Variants in AGAP1 observed in about 807,000 individuals in gnomAD.
AGAP1 encodes the protein ArfGAP with GTPase domain, ankyrin repeat and PH domain 1.
A neutral mutation model predicts 105.3 loss-of-function variants in AGAP1; 29 were observed. The observed-to-expected ratio is 0.28, with a 90% confidence interval of 0.21 to 0.38. AGAP1 has a LOEUF of 0.38. Ranked by LOEUF, AGAP1 falls within the 10% of genes least tolerant of loss-of-function variation. The pLI is 1.00. For synonymous variants in AGAP1, 509 were observed against 485.9 expected, an observed-to-expected ratio of 1.05 and a Z score of -0.63; for missense variants, 998 against 1,165.1, an observed-to-expected ratio of 0.86 and a Z score of 2.09.
At chr2:235,679,117 G>A (rs12472001) in intron 1 of AGAP1, among the ~76,000 whole-genome samples, 30,318 of 152,172 alleles carry the variant, frequency 0.2, 3,401 homozygotes, top group Admixed American at 0.34. Flanking sequence ...CATGGAGAAA[G>A]CACAGTGTCT....
intron 6 of AGAP1, among the ~76,000 whole-genome samples, chr2:235,795,388 C>G (rs1328792615): frequency 2.6e-5 from 4 of 152,166 alleles, no homozygotes; most frequent in African/African-American, 9.7e-5. Flanking sequence ...ACTCTGTAGT[C>G]AGTTTGCATT....
chr2:235,870,733 G>A (rs950661767), intron 9 of AGAP1, among the ~76,000 whole-genome samples: 3 of 152,266 alleles, frequency 2.0e-5, no homozygotes, highest in Admixed American at 6.5e-5. Context: ...CCTGCTCTGG[G>A]CATAAGAACT....
chr2:235,585,004 C>T (rs1373503284), intron 1 of AGAP1, among the ~76,000 whole-genome samples: 2 of 151,080 alleles, frequency 1.3e-5, no homozygotes, highest in Non-Finnish European at 2.9e-5. Flanking sequence ...TGCTGCTGCC[C>T]CCGGCTTCTT....
At chr2:235,684,246 A>T (rs915453972) in intron 1 of AGAP1, among the ~76,000 whole-genome samples, 1 of 151,974 alleles carries the variant, frequency 6.6e-6, no homozygotes, top group Non-Finnish European at 1.5e-5. Context: ...GGGTTTCACC[A>T]TGTTAGCCAG....
At position 235,865,062 on chromosome 2, in the gene AGAP1, TTC is replaced by T. The variant is rs1381691802; in HGVS notation, c.1051-18281_1051-18280del. On this transcript the variant is annotated intron_variant, in intron 9 of 17. Coordinates refer to ENST00000304032, the MANE Select transcript of AGAP1 (RefSeq NM_001037131.3). This position sits in a 1 kb window ranked among gnomAD's most constrained non-coding sequence, Gnocchi z 6.2. ...TCAGTGGACGCTGTATTAAATTGGA[TTC>T]TGTGTCCATCATTATTAAAATGTGA... is the stretch of plus-strand genomic sequence containing the variant. Among the ~76,000 whole-genome samples the T allele has an allele frequency of 1.3e-5, 2 of 152,218 alleles. No homozygotes were observed. The highest frequency in any genetic ancestry group is 4.8e-5 in the African/African-American group (2 of 41,452).
intron 1 of AGAP1, among the ~76,000 whole-genome samples, chr2:235,546,183 G>T (rs945375335): frequency 1.3e-5 from 2 of 152,222 alleles, no homozygotes; most frequent in African/African-American, 4.8e-5. Flanking sequence ...CTAGAATTCA[G>T]TTGATTTCTT....
chr2:235,573,153 A>G (rs1944629873), intron 1 of AGAP1, among the ~76,000 whole-genome samples: 1 of 128,646 alleles, frequency 7.8e-6, no homozygotes, highest in Admixed American at 7.9e-5. Context: ...CCCAGGCTGC[A>G]TTGCAGTGGC....
intron 1 of AGAP1, among the ~76,000 whole-genome samples, chr2:235,676,921 A>G (rs555334700): frequency 2.6e-5 from 4 of 152,334 alleles, no homozygotes; most frequent in Non-Finnish European, 5.9e-5. Context: ...ATTAAGGTCA[A>G]CGGATTAGCA....
rs558217799 is a variant in AGAP1 at position 235,621,825 on chromosome 2, C to T, written c.164-87354C>T. Among the ~76,000 whole-genome samples, 3 of 152,284 alleles carry T rather than the reference C, an allele frequency of 2.0e-5. No homozygotes were observed. The highest frequency in any genetic ancestry group is 2.1e-4 in the South Asian group (1 of 4,826). On this transcript the variant is annotated intron_variant, in intron 1 of 17. Coordinates refer to ENST00000304032, the MANE Select transcript of AGAP1 (RefSeq NM_001037131.3). This position sits in a 1 kb window ranked among gnomAD's most constrained non-coding sequence, Gnocchi z 4.1. ...GCACATGGCAGTAACCCCCTGGGAGCGGCTGCTGATGTTCTGGCTCTCTGC... is the reference window on the plus strand; with the variant it reads ...GCACATGGCAGTAACCCCCTGGGAGTGGCTGCTGATGTTCTGGCTCTCTGC...
At chr2:235,948,067 G>T (rs758126319) in intron 12 of AGAP1, among the ~76,000 whole-genome samples, 1 of 151,004 alleles carries the variant, frequency 6.6e-6, no homozygotes, top group East Asian at 1.9e-4. Flanking sequence ...TGTGAATGAA[G>T]AGGGCAGGGG....
In AGAP1 at chr2:236,116,174, G is replaced by A. The variant is rs558214362; in HGVS notation, c.2115-4018G>A. ...GTTACCCAGGCTGGAGTGCAATGGC[G>A]CAATCTTGGCTCACTGCATCCTCCA... On this transcript the variant is annotated intron_variant, in intron 16 of 17. Transcript: ENST00000304032. Among the ~76,000 whole-genome samples, 9 of 152,152 alleles carry A rather than the reference G, an allele frequency of 5.9e-5. No individual in the cohort carries two copies. In the South Asian group the frequency reaches 1.5e-3, roughly 25 times the overall value.
Position 235,690,803 on chromosome 2 carries a change from GATTT to G in AGAP1, c.164-18367_164-18364del, listed in dbSNP as rs1220868476. ...GGGTAAAGTCATTGTGTTTCTTCTT[GATTT>G]ATTTATTTTTTTCTCCAGTCTAGTC... On this transcript the variant is annotated intron_variant, in intron 1 of 17. Transcript: ENST00000304032. The surrounding 1 kb of genome is among the most constrained non-coding windows in gnomAD (Gnocchi z 4.1). 2.0e-5 allele frequency among the ~76,000 whole-genome samples: 3 copies of G among 152,096 alleles called. No individual in the cohort carries two copies. The highest frequency in any genetic ancestry group is 4.8e-5 in the African/African-American group (2 of 41,412).
In AGAP1 at chr2:235,549,926, A is replaced by T. The variant is rs1943751307; in HGVS notation, c.163+55077A>T. On this transcript the variant is annotated intron_variant, in intron 1 of 17. Coordinates refer to ENST00000304032, the MANE Select transcript of AGAP1 (RefSeq NM_001037131.3). This position sits in a 1 kb window ranked among gnomAD's most constrained non-coding sequence, Gnocchi z 4.2. ...GAGAGGCTGGGGACGTTTTCGGATG[A>T]CCACAGGTGTGAAGCTGTCTTCAGT... 6.6e-6 allele frequency among the ~76,000 whole-genome samples: 1 copy of T among 152,132 alleles called. No individual in the cohort carries two copies. Among genetic ancestry groups the T allele is most frequent in the Non-Finnish European group, 1.5e-5 (1 of 68,034 alleles).
At chr2:235,546,224 A>G (rs1331341577) in intron 1 of AGAP1, among the ~76,000 whole-genome samples, 1 of 152,240 alleles carries the variant, frequency 6.6e-6, no homozygotes, top group Non-Finnish European at 1.5e-5. Context: ...ATCCGAGCCC[A>G]AGGTAGAGCT....
chr2:235,636,161 A>C (rs924008805), intron 1 of AGAP1, among the ~76,000 whole-genome samples: 1 of 147,130 alleles, frequency 6.8e-6, no homozygotes, highest in African/African-American at 2.5e-5. Flanking sequence ...ATAAAGTCTC[A>C]TCTTATGGAG....
At chr2:235,648,547 A>C (rs1205359967) in intron 1 of AGAP1, among the ~76,000 whole-genome samples, 1 of 152,044 alleles carries the variant, frequency 6.6e-6, no homozygotes, top group African/African-American at 2.4e-5. Flanking sequence ...ACATTCAGCC[A>C]CAGCTGGAAA....
In AGAP1 at chr2:235,982,364, A is replaced by AT. The variant is rs1166797831; in HGVS notation, c.1645+13745dup. Reference sequence around the variant, plus strand: ...TTTAAGATCTATAACTATTTTCATGATTTTCCCCCAAAATATTACTTTATT... The same window carrying AT: ...TTTAAGATCTATAACTATTTTCATGATTTTTCCCCCAAAATATTACTTTATT... On this transcript the variant is annotated intron_variant, in intron 13 of 17. Coordinates refer to ENST00000304032, the MANE Select transcript of AGAP1 (RefSeq NM_001037131.3). The surrounding 1 kb of genome is among the most constrained non-coding windows in gnomAD (Gnocchi z 4.9). 6.6e-6 allele frequency among the ~76,000 whole-genome samples: 1 copy of AT among 152,108 alleles called. No homozygotes were observed. Among genetic ancestry groups the AT allele is most frequent in the Non-Finnish European group, 1.5e-5 (1 of 68,040 alleles).
chr2:236,125,800 T>C lies in AGAP1; in HGVS notation c.*1678T>C, dbSNP rs2059995170. 6.6e-6 allele frequency: 1 copy of C among 152,182 alleles called. No individual in the cohort carries two copies. The highest frequency in any genetic ancestry group is 1.5e-5 in the Non-Finnish European group (1 of 68,054). 9.4% of individuals were successfully genotyped at this position (152,182 alleles called of 1,614,324 possible). On this transcript the variant is annotated 3_prime_UTR_variant, in exon 18 of 18. Coordinates refer to ENST00000304032, the MANE Select transcript of AGAP1 (RefSeq NM_001037131.3). This position sits in a 1 kb window ranked among gnomAD's most constrained non-coding sequence, Gnocchi z 5.2. Reference sequence around the variant, plus strand: ...GCCGCCTTCAGTGGTGGTAGTCAAATGTAGTCAACCAAACCACAGCATCCC... The same window carrying C: ...GCCGCCTTCAGTGGTGGTAGTCAAACGTAGTCAACCAAACCACAGCATCCC...
chr2:236,020,706 C>T lies in AGAP1; in HGVS notation c.1646-15855C>T, dbSNP rs969552032. On this transcript the variant is annotated intron_variant, in intron 13 of 17. Coordinates refer to ENST00000304032, the MANE Select transcript of AGAP1 (RefSeq NM_001037131.3). The surrounding 1 kb of genome is among the most constrained non-coding windows in gnomAD (Gnocchi z 5.0). ...CTGGGCACATAGGGAAGCTGGCCGC[C>T]GTGGCTGCTATTAAATTGCTATACA... Among the ~76,000 whole-genome samples the T allele has an allele frequency of 2.6e-5, 4 of 152,168 alleles. No homozygotes were observed. Among genetic ancestry groups the T allele is most frequent in the Non-Finnish European group, 5.9e-5 (4 of 68,038 alleles).
Sources: allele counts gnomAD v4.1 joint callset (sites outside exome capture counted in the v4.1 genomes callset), GRCh38; gene constraint gnomAD v4.1.1; non-coding constraint Gnocchi (gnomAD v3.1); transcripts MANE v1.5; gene names NCBI Gene and HGNC (gene_info 2026-07-23, HGNC 2026-07-21).